The following ARB2A variants were observed in gnomAD, a reference collection of about 807,000 sequenced individuals.
ARB2A encodes the protein cotranscriptional regulator ARB2A.
chr5:93,871,113 A>G, the ARB2A span, among the ~76,000 whole-genome samples: 1 of 152,246 alleles, frequency 6.6e-6, no homozygotes, highest in African/African-American at 2.4e-5. Flanking sequence ...TCAATGATAC[A>G]AACTGAGCTT....
At chr5:93,871,028 G>A in the ARB2A span, among the ~76,000 whole-genome samples, 1 of 152,192 alleles carries the variant, frequency 6.6e-6, no homozygotes, top group African/African-American at 2.4e-5. Flanking sequence ...GGGTAATTTG[G>A]AAGGTATTTT....
chr5:93,894,972 C>T, the ARB2A span, among the ~76,000 whole-genome samples: 8 of 152,100 alleles, frequency 5.3e-5, no homozygotes, highest in Non-Finnish European at 7.4e-5. Flanking sequence ...ATTCAGAAAT[C>T]GGGATAAATA....
the ARB2A span, among the ~76,000 whole-genome samples, chr5:93,931,992 C>G: frequency 3.9e-5 from 6 of 152,222 alleles, no homozygotes; most frequent in Non-Finnish European, 2.9e-5. Context: ...AAATATTCAA[C>G]TGTATAAATA....
the ARB2A span, among the ~76,000 whole-genome samples, chr5:93,883,889 A>C: frequency 6.7e-6 from 1 of 148,298 alleles, no homozygotes; most frequent in African/African-American, 2.5e-5. Context: ...GAGTGAATTG[A>C]ACTTTAAACA....
chr5:93,824,300 T>C, the ARB2A span: 1 of 1,444,416 alleles, frequency 6.9e-7, no homozygotes. Context: ...ATATTACATA[T>C]TATACCTAAT....
the ARB2A span, among the ~76,000 whole-genome samples, chr5:93,671,463 A>G: frequency 6.6e-6 from 1 of 152,284 alleles, no homozygotes; most frequent in East Asian, 1.9e-4. Context: ...ATGTCAAATA[A>G]TAAGAGCTGA....
the ARB2A span, among the ~76,000 whole-genome samples, chr5:93,749,908 G>A: frequency 1.3e-4 from 20 of 152,274 alleles, no homozygotes; most frequent in African/African-American, 4.3e-4. Context: ...TTCCAAAAGA[G>A]CTCAGAAGCC....
At chr5:93,765,567 C>T in the ARB2A span, among the ~76,000 whole-genome samples, 21 of 152,178 alleles carry the variant, frequency 1.4e-4, 1 homozygote, top group Admixed American at 1.3e-3. Context: ...AATGGAAGAA[C>T]ATTCCATGCT....
chr5:93,697,480 C>A, the ARB2A span, among the ~76,000 whole-genome samples: 493 of 152,220 alleles, frequency 3.2e-3, 3 homozygotes, highest in South Asian at 0.014. Context: ...ATATATGACA[C>A]CAAGCCTTTA....
the ARB2A span, among the ~76,000 whole-genome samples, chr5:94,084,466 A>G: frequency 2.0e-5 from 3 of 152,132 alleles, no homozygotes; most frequent in African/African-American, 7.2e-5. Context: ...TGACAATATC[A>G]ATTTCCCTCT....
the ARB2A span, among the ~76,000 whole-genome samples, chr5:93,873,040 A>G: frequency 6.6e-6 from 1 of 152,204 alleles, no homozygotes; most frequent in Non-Finnish European, 1.5e-5. Flanking sequence ...ATGCTACTCA[A>G]CATCAAAGGG....
chr5:93,720,338 T>C, the ARB2A span, among the ~76,000 whole-genome samples: 15 of 152,332 alleles, frequency 9.8e-5, no homozygotes, highest in South Asian at 3.1e-3. Flanking sequence ...AATCATTATA[T>C]TGGGCCTCTT....
At chr5:93,824,996 C>T in the ARB2A span, among the ~76,000 whole-genome samples, 1 of 152,232 alleles carries the variant, frequency 6.6e-6, no homozygotes, top group Non-Finnish European at 1.5e-5. Context: ...TGGACCACTT[C>T]CATCTCTTGG....
the ARB2A span, among the ~76,000 whole-genome samples, chr5:93,680,968 ATATGTT>A: frequency 6.6e-6 from 1 of 152,174 alleles, no homozygotes; most frequent in Non-Finnish European, 1.5e-5. Context: ...GAACACAGTG[ATATGTT>A]TATGAATAGG....
chr5:93,694,074 C>T, the ARB2A span, among the ~76,000 whole-genome samples: 5 of 151,778 alleles, frequency 3.3e-5, no homozygotes, highest in Middle Eastern at 3.4e-3. Flanking sequence ...TGACAAACAG[C>T]CAATACGATA....
chr5:93,931,401 T>A, the ARB2A span, among the ~76,000 whole-genome samples: 5 of 152,006 alleles, frequency 3.3e-5, no homozygotes. Context: ...GAGGCGGAGA[T>A]TGCAGTGAGC....
the ARB2A span, among the ~76,000 whole-genome samples, chr5:93,651,783 A>G: frequency 5.9e-5 from 9 of 152,196 alleles, no homozygotes; most frequent in African/African-American, 2.2e-4. Context: ...CAACAATAAT[A>G]TAAAAAACAG....
At chr5:93,921,185 C>T in the ARB2A span, among the ~76,000 whole-genome samples, 6 of 145,274 alleles carry the variant, frequency 4.1e-5, no homozygotes, top group African/African-American at 1.3e-4. Flanking sequence ...AAAGGAAATT[C>T]GTGAAGCTGT....
At chr5:93,803,416 T>A in the ARB2A span, among the ~76,000 whole-genome samples, 1 of 151,872 alleles carries the variant, frequency 6.6e-6, no homozygotes. Context: ...AAACCCACCC[T>A]AGAACTCTCC....
Sources: gnomAD v4.1 joint callset for allele counts (sites outside exome capture counted in the v4.1 genomes callset) on GRCh38, gnomAD v4.1.1 for gene constraint, MANE v1.5 for transcripts, NCBI Gene and HGNC (gene_info 2026-07-23, HGNC 2026-07-21) for gene names.